Variants in IL1RAPL1 observed in about 807,000 individuals in gnomAD.
IL1RAPL1 encodes the protein interleukin 1 receptor accessory protein like 1.
IL1RAPL1 carries 3 observed loss-of-function variants against 48.4 expected under a neutral mutation model. The observed-to-expected ratio is 0.06, with a 90% CI of 0.03 to 0.16. The LOEUF is 0.16. IL1RAPL1 is among the 10% of genes least tolerant of loss of function. The pLI is 1.00. For synonymous variants in IL1RAPL1, 185 were observed against 187.7 expected, an observed-to-expected ratio of 0.99 and a Z score of 0.12; for missense variants, 349 against 530.6, an observed-to-expected ratio of 0.66 and a Z score of 3.36.
intron 6 of IL1RAPL1, among the ~76,000 whole-genome samples, chrX:29,771,137 G>T (rs1929056026): frequency 1.8e-5 from 2 of 112,020 alleles, no homozygotes; most frequent in African/African-American, 6.5e-5. Context: ...TGAAGCAGGA[G>T]ACTCTATAAG....
intron 2 of IL1RAPL1, among the ~76,000 whole-genome samples, chrX:29,079,936 A>G (rs1382809606): frequency 8.9e-6 from 1 of 111,797 alleles, no homozygotes; most frequent in East Asian, 2.8e-4. Flanking sequence ...GGCAACACCA[A>G]CAAACCAATT....
intron 5 of IL1RAPL1, among the ~76,000 whole-genome samples, chrX:29,428,518 C>G (rs181547668): frequency 6.8e-4 from 75 of 110,052 alleles, no homozygotes; most frequent in African/African-American, 2.1e-3. Context: ...GAACTATCAT[C>G]ACACAAATTA....
At chrX:29,423,732 T>C (rs754152213) in intron 5 of IL1RAPL1, among the ~76,000 whole-genome samples, 2 of 111,885 alleles carry the variant, frequency 1.8e-5, no homozygotes, top group South Asian at 7.5e-4. Context: ...TGATGATTAC[T>C]AGCATTTATT....
At chrX:29,290,570 A>C in intron 3 of IL1RAPL1, among the ~76,000 whole-genome samples, 1 of 111,943 alleles carries the variant, frequency 8.9e-6, no homozygotes, top group Non-Finnish European at 1.9e-5. Flanking sequence ...TGTTTCTTCT[A>C]CCTATTCTGG....
intron 5 of IL1RAPL1, among the ~76,000 whole-genome samples, chrX:29,471,419 T>G (rs1175137585): frequency 1.8e-5 from 2 of 111,112 alleles, no homozygotes; most frequent in Non-Finnish European, 3.8e-5. Context: ...GAACTGGGTT[T>G]TAGGGCTAGT....
chrX:29,162,556 T>G (rs1253230332), intron 2 of IL1RAPL1, among the ~76,000 whole-genome samples: 3 of 109,880 alleles, frequency 2.7e-5, no homozygotes, highest in Non-Finnish European at 1.9e-5. Context: ...ATTACTATAT[T>G]AATATATAGT....
At chrX:28,709,384 G>C (rs1393190991) in intron 1 of IL1RAPL1, among the ~76,000 whole-genome samples, 2 of 111,948 alleles carry the variant, frequency 1.8e-5, no homozygotes, top group Non-Finnish European at 3.8e-5. Flanking sequence ...GTGGGGCATA[G>C]AAAGCTTAGT....
chrX:29,544,046 T>G (rs1262393142), intron 5 of IL1RAPL1, among the ~76,000 whole-genome samples: 1 of 112,148 alleles, frequency 8.9e-6, no homozygotes, highest in African/African-American at 3.2e-5. Flanking sequence ...GTCTTATAGT[T>G]ACATAGATAT....
At chrX:28,688,679 T>C (rs891549785) in intron 1 of IL1RAPL1, among the ~76,000 whole-genome samples, 1 of 112,117 alleles carries the variant, frequency 8.9e-6, no homozygotes, top group African/African-American at 3.2e-5. Flanking sequence ...ATCAATACTT[T>C]AATCCACATT....
chrX:29,102,505 A>G (rs1056439548), intron 2 of IL1RAPL1, among the ~76,000 whole-genome samples: 8 of 110,639 alleles, frequency 7.2e-5, no homozygotes, highest in Non-Finnish European at 1.3e-4. Context: ...TGTCTCTACT[A>G]AAAATACAGA....
intron 2 of IL1RAPL1, chrX:28,982,970 C>T (rs1925379091): frequency 9.0e-6 from 1 of 111,693 alleles, no homozygotes; most frequent in African/African-American, 3.3e-5. Flanking sequence ...TGGCCATAGA[C>T]TCATGAATCA....
At chrX:29,341,128 T>C (rs1317632840) in intron 3 of IL1RAPL1, among the ~76,000 whole-genome samples, 1 of 103,375 alleles carries the variant, frequency 9.7e-6, no homozygotes, top group Non-Finnish European at 2.0e-5. Flanking sequence ...TAAAACGTTA[T>C]ATCTGAAATT....
At chrX:29,406,456 T>G (rs1318088010) in intron 5 of IL1RAPL1, among the ~76,000 whole-genome samples, 5 of 111,422 alleles carry the variant, frequency 4.5e-5, no homozygotes, top group Non-Finnish European at 5.7e-5. Flanking sequence ...TCTTCTTATA[T>G]TACCCATCTG....
chrX:29,107,458 T>C lies in IL1RAPL1; in HGVS notation c.83-175480T>C, dbSNP rs755558496. 2.7e-5 allele frequency among the ~76,000 whole-genome samples: 3 copies of C among 112,279 alleles called. No individual in the cohort carries two copies. In the East Asian group the frequency reaches 8.4e-4, roughly 31 times the overall value. ...CACTTTGCATTTGAGAGACTTTTCCTGCCTTATTGGGACATTTCAACTCAA... is the reference window on the plus strand; with the variant it reads ...CACTTTGCATTTGAGAGACTTTTCCCGCCTTATTGGGACATTTCAACTCAA... On this transcript the variant is annotated intron_variant, in intron 2 of 10. Transcript: ENST00000378993.
At chrX:29,146,552 A>G (rs1037656642) in intron 2 of IL1RAPL1, among the ~76,000 whole-genome samples, 8 of 111,806 alleles carry the variant, frequency 7.2e-5, no homozygotes, top group Non-Finnish European at 1.1e-4. Context: ...TCTACACTAA[A>G]TCTCATAATT....
chrX:29,490,318 G>T (rs1297084218), intron 5 of IL1RAPL1, among the ~76,000 whole-genome samples: 1 of 111,166 alleles, frequency 9.0e-6, no homozygotes, highest in Non-Finnish European at 1.9e-5. Flanking sequence ...GATCACTTGA[G>T]GCCAGGAGTT....
intron 2 of IL1RAPL1, among the ~76,000 whole-genome samples, chrX:29,117,871 T>A (rs944199059): frequency 1.6e-4 from 18 of 111,699 alleles, no homozygotes; most frequent in African/African-American, 4.5e-4. Context: ...ACTTTTAAAG[T>A]CCCCAAAGCA....
rs181982065 is a variant in IL1RAPL1, at chrX:29,570,777, T to A, written c.704-97653T>A. Among the ~76,000 whole-genome samples the A allele has an allele frequency of 8.9e-5, 10 of 112,441 alleles. No homozygotes were observed. The East Asian group carries it at 2.5e-3, about 28-fold the overall frequency. On this transcript the variant is annotated intron_variant, in intron 5 of 10. Coordinates refer to ENST00000378993, the MANE Select transcript of IL1RAPL1 (RefSeq NM_014271.4). Reference sequence around the variant, plus strand: ...AAATGATACTGAGCACTACGTTACATTGATTCACTTGCCCACAAAAGGTTG... The same window carrying A: ...AAATGATACTGAGCACTACGTTACAATGATTCACTTGCCCACAAAAGGTTG...
At chrX:29,285,370 T>TA (rs1380440274) in intron 3 of IL1RAPL1, among the ~76,000 whole-genome samples, 2 of 107,125 alleles carry the variant, frequency 1.9e-5, no homozygotes, top group African/African-American at 6.8e-5. Flanking sequence ...CCATCTCTCC[T>TA]AAAAATACAA....
Sources: allele counts gnomAD v4.1 joint callset (sites outside exome capture counted in the v4.1 genomes callset), GRCh38; gene constraint gnomAD v4.1.1; transcripts MANE v1.5; gene names NCBI Gene and HGNC (gene_info 2026-07-23, HGNC 2026-07-21).